C9: variants seen among roughly 807,000 people sequenced by gnomAD.
C9 encodes the protein complement C9, also known as complement component C9.
A neutral mutation model predicts 65.4 loss-of-function variants in C9; 63 were observed. That is an observed-to-expected ratio of 0.96 (90% CI 0.79 to 1.19). C9 has a LOEUF of 1.19. C9 is among the 50% of genes most tolerant of loss of function. C9 has a pLI of 0.00. For missense variants in C9, 744 were observed against 670.1 expected, an observed-to-expected ratio of 1.11 and a Z score of -1.22; for synonymous variants, 229 against 227.9, an observed-to-expected ratio of 1.00 and a Z score of -0.04.
Position 39,296,175 on chromosome 5 carries a change from A to G in C9, c.1417-7224T>C, listed in dbSNP as rs149482972. ...ACAGGGAACAGAAGCAAAAATACAC[A>G]AATGGTTTATATCCAATTGAAAAGC... On this transcript the variant is annotated intron_variant, in intron 9 of 10. Transcript: ENST00000263408. Among the ~76,000 whole-genome samples, 207 of 151,842 alleles carry G rather than the reference A, an allele frequency of 1.4e-3. 1 individual carries two copies. The South Asian group carries it at 0.028, about 20-fold the overall frequency.
chr5:39,312,891 TC>T (rs1477415983), intron 6 of C9, among the ~76,000 whole-genome samples: 1 of 152,196 alleles, frequency 6.6e-6, no homozygotes, highest in Non-Finnish European at 1.5e-5. Context: ...CAGTGGGTGA[TC>T]CAGTCTTTAA....
At chr5:39,297,263 C>A (rs553303901) in intron 9 of C9, among the ~76,000 whole-genome samples, 2 of 151,306 alleles carry the variant, frequency 1.3e-5, no homozygotes, top group African/African-American at 4.8e-5. Flanking sequence ...CACTATGTAC[C>A]CCATAAGTAT....
intron 5 of C9, 110 bp from the exon 6 acceptor site, chr5:39,316,139 A>G: frequency 2.2e-6 from 2 of 913,682 alleles, no homozygotes; most frequent in Admixed American, 5.0e-5. Flanking sequence ...GCAGTAGAAC[A>G]AAGGAGTTAA....
Position 39,284,993 on chromosome 5 carries a change from G to T in C9, c.*206C>A, listed in dbSNP as rs912676786. 13 of 535,200 alleles carry T rather than the reference G, an allele frequency of 2.4e-5. No homozygotes were observed. Among genetic ancestry groups the T allele is most frequent in the Middle Eastern group, 5.1e-4 (1 of 1,976 alleles). 33.2% of individuals were successfully genotyped at this position (535,200 alleles called of 1,614,324 possible). A position where few individuals can be genotyped will look rare whatever the true frequency, so the allele number is the denominator to read the frequency against. On this transcript the variant is annotated 3_prime_UTR_variant, in exon 11 of 11. Transcript: ENST00000263408. The stretch of plus-strand genomic sequence containing the variant: ...ATTTCACTGTTGACTTCTCATTAGG[G>T]AACAAAAAATGGAAACATCACAGGA...
chr5:39,363,841 A>C (rs2111998631), intron 1 of C9, among the ~76,000 whole-genome samples: 1 of 152,380 alleles, frequency 6.6e-6, no homozygotes, highest in African/African-American at 2.4e-5. Context: ...ACAGGTCTGC[A>C]TCACTGCAAT....
intron 4 of C9, among the ~76,000 whole-genome samples, chr5:39,340,714 T>G (rs1579870218): frequency 6.6e-6 from 1 of 152,252 alleles, no homozygotes; most frequent in African/African-American, 2.4e-5. Context: ...TGCTGGAAAC[T>G]CCCAAGATCC....
At chr5:39,305,240 T>C (rs184983997) in intron 9 of C9, among the ~76,000 whole-genome samples, 105 of 152,280 alleles carry the variant, frequency 6.9e-4, no homozygotes, top group Non-Finnish European at 1.3e-3. Context: ...TTCCCCCTTT[T>C]TGTCCTACTT....
intron 5 of C9, among the ~76,000 whole-genome samples, chr5:39,317,287 T>C (rs1753584268): frequency 6.6e-6 from 1 of 151,424 alleles, no homozygotes; most frequent in South Asian, 2.1e-4. Context: ...TTTTCACCTA[T>C]TATATAGGTT....
At chr5:39,327,055 A>G (rs1753758025) in intron 5 of C9, among the ~76,000 whole-genome samples, 1 of 151,432 alleles carries the variant, frequency 6.6e-6, no homozygotes, top group Admixed American at 6.6e-5. Flanking sequence ...ATACAGCAAA[A>G]TATATACCAA....
At chr5:39,316,620 A>G (rs905295494) in intron 5 of C9, among the ~76,000 whole-genome samples, 4 of 152,088 alleles carry the variant, frequency 2.6e-5, no homozygotes, top group African/African-American at 7.2e-5. Context: ...TTCCTATGTT[A>G]ATGTGCTGAT....
chr5:39,363,491 T>G (rs935644864), intron 1 of C9, among the ~76,000 whole-genome samples: 1 of 152,176 alleles, frequency 6.6e-6, no homozygotes, highest in Non-Finnish European at 1.5e-5. Flanking sequence ...TAATGAGGAA[T>G]TGGAAGCAGG....
intron 4 of C9, among the ~76,000 whole-genome samples, chr5:39,332,938 A>C (rs1753870838): frequency 6.6e-6 from 1 of 152,202 alleles, no homozygotes; most frequent in South Asian, 2.1e-4. Flanking sequence ...AGTGAATCTA[A>C]AATGGTTCAA....
In C9 at chr5:39,364,481, G is replaced by A. The variant is rs777243998; in HGVS notation, c.-17C>T. 1.3e-6 allele frequency: 2 copies of A among 1,536,218 alleles called. No homozygotes were observed. Among genetic ancestry groups the A allele is most frequent in the South Asian group, 1.1e-5 (1 of 89,306 alleles). The stretch of plus-strand genomic sequence containing the variant: ...GGCTGACATGCTGCTCTTGCTGGGT[G>A]GCTGCGAGTGGGGTGGCAGGGCAGG... On this transcript the variant is annotated 5_prime_UTR_variant, in exon 1 of 11. Transcript: ENST00000263408.
At chr5:39,300,359 A>T (rs1753258392) in intron 9 of C9, among the ~76,000 whole-genome samples, 1 of 152,022 alleles carries the variant, frequency 6.6e-6, no homozygotes, top group African/African-American at 2.4e-5. Context: ...TTGCTGTTAG[A>T]CAAGACTGCA....
intron 1 of C9, among the ~76,000 whole-genome samples, chr5:39,345,494 C>T (rs766051915): frequency 2.6e-5 from 4 of 152,148 alleles, no homozygotes; most frequent in Non-Finnish European, 4.4e-5. Flanking sequence ...ACATATGCAC[C>T]CAATACAGGA....
At chr5:39,285,640 G>T (rs1028439826) in intron 10 of C9, among the ~76,000 whole-genome samples, 5 of 151,540 alleles carry the variant, frequency 3.3e-5, no homozygotes, top group African/African-American at 1.2e-4. Context: ...GCCCAGGCAG[G>T]ATCTACCATG....
Position 39,308,300 on chromosome 5 carries a change from A to G in C9, c.1170T>C (p.Ala390=). 1.2e-6 allele frequency: 2 copies of G among 1,608,044 alleles called. No individual in the cohort carries two copies. The highest frequency in any genetic ancestry group is 2.2e-5 in the South Asian group (2 of 90,958). Residue 390 remains alanine (A), a synonymous_variant, in exon 8 of 11, where the codon GCT becomes GCC. Coordinates refer to ENST00000263408, the MANE Select transcript of C9 (RefSeq NM_001737.5). The stretch of plus-strand genomic sequence containing the variant: ...CAGCTCCAACAGAGATTTCAGAGAA[A>G]GCCAGAGATACATCCAGATGATACC... The part of the protein sequence containing the change: ...CLGYHLDVSL[A]FSEISVGAEF...
intron 4 of C9, among the ~76,000 whole-genome samples, 182 bp from the exon 5 acceptor site, chr5:39,331,996 C>T (rs574533756): frequency 6.6e-6 from 1 of 152,290 alleles, no homozygotes; most frequent in Admixed American, 6.5e-5. Context: ...TGGCAGAAAG[C>T]ATACCTTAGG....
Position 39,364,346 on chromosome 5 carries a change from A to G in C9, c.77+42T>C, listed in dbSNP as rs1754577315. ...AAGAAGACCTTGAGATGCTAATCCT[A>G]CAGGAAACTTCCAGAGACAAGCAGA... On this transcript the variant is annotated intron_variant, in intron 1 of 10. Coordinates refer to ENST00000263408, the MANE Select transcript of C9 (RefSeq NM_001737.5). 3 of 1,102,178 alleles carry G rather than the reference A, an allele frequency of 2.7e-6. No individual in the cohort carries two copies. The East Asian group carries it at 7.0e-5, about 26-fold the overall frequency. 68.3% of individuals were successfully genotyped at this position (1,102,178 alleles called of 1,614,324 possible). A position where few individuals can be genotyped will look rare whatever the true frequency, so the allele number is the denominator to read the frequency against.
Sources: allele counts gnomAD v4.1 joint callset (sites outside exome capture counted in the v4.1 genomes callset), GRCh38; gene constraint gnomAD v4.1.1; transcripts MANE v1.5; gene names NCBI Gene and HGNC (gene_info 2026-07-23, HGNC 2026-07-21).